Variants in C2CD5 observed in about 807,000 individuals in gnomAD.
C2CD5 encodes C2 calcium dependent domain containing 5.
Under a neutral mutation model 130.3 loss-of-function variants are expected in C2CD5, and 109 were observed. The observed-to-expected ratio is 0.84, with a 90% CI of 0.72 to 0.98. The LOEUF is 0.98. C2CD5 is among the 50% of genes least tolerant of loss of function. The probability of loss-of-function intolerance (pLI) is 0.00; values close to 1 mark genes in which losing one functional copy is unlikely to be tolerated. For synonymous variants in C2CD5, 454 were observed against 429.2 expected, an observed-to-expected ratio of 1.06 and a Z score of -0.71; for missense variants, 996 against 1,261.8, an observed-to-expected ratio of 0.79 and a Z score of 3.19.
Position 22,506,827 on chromosome 12 carries a change from A to G in C2CD5, c.1039-8T>C. On this transcript the variant is annotated splice_region_variant and splice_polypyrimidine_tract_variant and intron_variant, in intron 9 of 26. Transcript: ENST00000446597. Reference sequence around the variant, plus strand: ...GGTAAAAAATGGAAATTCCTAGTGGAAAGAATAAGGGAAAAATACAACTTA... The same window carrying G: ...GGTAAAAAATGGAAATTCCTAGTGGGAAGAATAAGGGAAAAATACAACTTA... 1 of 1,506,428 alleles carries G rather than the reference A, an allele frequency of 6.6e-7. No individual in the cohort carries two copies. Among genetic ancestry groups the G allele is most frequent in the Non-Finnish European group, 9.2e-7 (1 of 1,082,004 alleles). The allele number at this position is 1,506,428 out of a possible 1,614,324, so 93.3% of individuals were successfully genotyped here. A position where few individuals can be genotyped will look rare whatever the true frequency, so the allele number is the denominator to read the frequency against.
intron 5 of C2CD5, among the ~76,000 whole-genome samples, 186 bp from the exon 6 acceptor site, chr12:22,524,813 T>C (rs1003244828): frequency 2.0e-5 from 3 of 152,222 alleles, no homozygotes; most frequent in African/African-American, 4.8e-5. Flanking sequence ...GAAATAATTA[T>C]TGTCTTTCAT....
intron 14 of C2CD5, among the ~76,000 whole-genome samples, chr12:22,480,283 C>T (rs1227248716): frequency 6.6e-6 from 1 of 152,130 alleles, no homozygotes. Context: ...CAGTCTCAAC[C>T]TATCACAGCA....
intron 10 of C2CD5, among the ~76,000 whole-genome samples, chr12:22,504,008 T>C (rs1324255234): frequency 1.3e-5 from 2 of 152,154 alleles, no homozygotes; most frequent in East Asian, 1.9e-4. Context: ...TACTCTAAAC[T>C]GGGAGGAAAG....
intron 9 of C2CD5, chr12:22,512,716 G>A: frequency 2.9e-6 from 4 of 1,399,156 alleles, no homozygotes; most frequent in Non-Finnish European, 3.8e-6. Context: ...AAAAAAGAGA[G>A]AGAGAGAAAT....
At chr12:22,484,124 G>A (rs539893116) in intron 13 of C2CD5, among the ~76,000 whole-genome samples, 6 of 152,278 alleles carry the variant, frequency 3.9e-5, no homozygotes, top group Admixed American at 2.0e-4. Flanking sequence ...CATAGAAGGT[G>A]TAGCATCATG....
chr12:22,519,977 A>G (rs1038241836), intron 7 of C2CD5, among the ~76,000 whole-genome samples: 6 of 152,180 alleles, frequency 3.9e-5, no homozygotes, highest in Non-Finnish European at 5.9e-5. Context: ...TCAAAATTTT[A>G]TAAGATATCA....
intron 14 of C2CD5, 125 bp from the exon 15 acceptor site, chr12:22,478,602 T>C: frequency 1.3e-6 from 1 of 762,156 alleles, no homozygotes; most frequent in Non-Finnish European, 2.1e-6. Flanking sequence ...TCCCAGTACT[T>C]TGGGAGGCCA....
At chr12:22,519,058 AG>A (rs2136965307) in intron 7 of C2CD5, 1 of 1,482,864 alleles carries the variant, frequency 6.7e-7, no homozygotes, top group African/African-American at 1.4e-5. Context: ...CTGCCTCTGC[AG>A]CCACTCTGCC....
intron 8 of C2CD5, among the ~76,000 whole-genome samples, chr12:22,517,434 A>T (rs1040442751): frequency 6.6e-6 from 1 of 152,044 alleles, no homozygotes; most frequent in African/African-American, 2.4e-5. Context: ...TAGAAAATAC[A>T]AATTTAATGA....
chr12:22,519,090 CTCTGGAG>C lies in C2CD5; in HGVS notation c.801-960_801-954del, dbSNP rs1378043930. On this transcript the variant is annotated intron_variant, in intron 7 of 26. Coordinates refer to ENST00000446597, the MANE Select transcript of C2CD5 (RefSeq NM_001286176.2). Reference sequence around the variant, plus strand: ...CTGCCCGTGGCCTGCATCTCCCCAGCTCTGGAGTCTGAGCAGTCTCGTACCAGTATAG... The same window carrying C: ...CTGCCCGTGGCCTGCATCTCCCCAGCTCTGAGCAGTCTCGTACCAGTATAG... 1.0e-5 allele frequency: 16 copies of C among 1,529,692 alleles called. No homozygotes were observed. The Admixed American group carries it at 2.4e-4, about 23-fold the overall frequency. The allele number at this position is 1,529,692 out of a possible 1,614,324, so 94.8% of individuals were successfully genotyped here.
chr12:22,542,809 A>G (rs1318831453), intron 2 of C2CD5, among the ~76,000 whole-genome samples: 1 of 152,244 alleles, frequency 6.6e-6, no homozygotes, highest in African/African-American at 2.4e-5. Flanking sequence ...ACATGGGACA[A>G]TAACAATACT....
At chr12:22,489,165 C>CG (rs1297676178) in intron 12 of C2CD5, among the ~76,000 whole-genome samples, 1 of 151,876 alleles carries the variant, frequency 6.6e-6, no homozygotes, top group Admixed American at 6.6e-5. Context: ...CGTGAGCCAC[C>CG]GCACTTGGCC....
At chr12:22,508,643 GA>G (rs1024110947) in intron 9 of C2CD5, among the ~76,000 whole-genome samples, 1 of 152,170 alleles carries the variant, frequency 6.6e-6, no homozygotes, top group Non-Finnish European at 1.5e-5. Context: ...AAGAAGTTGG[GA>G]AAACAGTTCG....
intron 22 of C2CD5, among the ~76,000 whole-genome samples, chr12:22,461,588 T>C (rs1237989714): frequency 6.6e-6 from 1 of 152,170 alleles, no homozygotes; most frequent in Non-Finnish European, 1.5e-5. Flanking sequence ...TAGAGTATCT[T>C]TGAAAGACAG....
chr12:22,496,474 A>G (rs972364802), intron 10 of C2CD5, among the ~76,000 whole-genome samples: 10 of 152,038 alleles, frequency 6.6e-5, no homozygotes, highest in Admixed American at 6.6e-4. Flanking sequence ...AAATGATACA[A>G]TTTAGTTATC....
intron 9 of C2CD5, among the ~76,000 whole-genome samples, chr12:22,510,011 C>T (rs1361813471): frequency 6.6e-6 from 1 of 152,014 alleles, no homozygotes; most frequent in East Asian, 1.9e-4. Flanking sequence ...TCAAGACCAG[C>T]CTGGTCAACA....
intron 9 of C2CD5, among the ~76,000 whole-genome samples, chr12:22,511,082 G>A (rs188448760): frequency 4.3e-4 from 65 of 151,178 alleles, no homozygotes; most frequent in Admixed American, 4.1e-3. Context: ...CAATGCTTCT[G>A]TGGAGTAAAG....
chr12:22,482,406 A>G, intron 14 of C2CD5, 151 bp downstream of exon 14: 1 of 587,002 alleles, frequency 1.7e-6, no homozygotes. Context: ...CTATCACCAG[A>G]TTTTTCACTT....
chr12:22,527,968 T>C, intron 3 of C2CD5, 76 bp from the exon 4 acceptor site: 1 of 754,060 alleles, frequency 1.3e-6, no homozygotes, highest in East Asian at 3.0e-5. Context: ...CTATATCAAA[T>C]GAAAAGGATG....
Sources: allele counts gnomAD v4.1 joint callset (sites outside exome capture counted in the v4.1 genomes callset), GRCh38; gene constraint gnomAD v4.1.1; transcripts MANE v1.5; gene names NCBI Gene and HGNC (gene_info 2026-07-23, HGNC 2026-07-21).